Variants in FIG4 observed in about 807,000 individuals in gnomAD.
FIG4 encodes FIG4 phosphoinositide 5-phosphatase.
In FIG4, 112 loss-of-function variants were observed where a neutral mutation model predicts 118.6. That is an observed-to-expected ratio of 0.94 (90% CI 0.81 to 1.11). FIG4 has a LOEUF of 1.11. FIG4 is among the 50% of genes least tolerant of loss of function. The probability of loss-of-function intolerance (pLI) is 0.00; values close to 1 mark genes in which losing one functional copy is unlikely to be tolerated. For missense variants in FIG4, 969 were observed against 1,111.7 expected, an observed-to-expected ratio of 0.87 and a Z score of 1.83; for synonymous variants, 369 against 381.2, an observed-to-expected ratio of 0.97 and a Z score of 0.37.
At chr6:109,693,780 T>C (rs1459237223) in intron 1 of FIG4, among the ~76,000 whole-genome samples, 2 of 152,132 alleles carry the variant, frequency 1.3e-5, no homozygotes, top group African/African-American at 2.4e-5. Context: ...GGATCCTCTT[T>C]GTTTCAGCAA....
chr6:109,825,317 T>TTG lies in FIG4; in HGVS notation c.*54_*55dup. 6.6e-7 allele frequency: 1 copy of TTG among 1,520,300 alleles called. No individual in the cohort carries two copies. The highest frequency in any genetic ancestry group is 9.1e-7 in the Non-Finnish European group (1 of 1,095,786). 94.2% of individuals were successfully genotyped at this position (1,520,300 alleles called of 1,614,324 possible). On this transcript the variant is annotated 3_prime_UTR_variant, in exon 23 of 23. Coordinates refer to ENST00000230124, the MANE Select transcript of FIG4 (RefSeq NM_014845.6). The stretch of plus-strand genomic sequence containing the variant: ...ACGTCTGATTAGCTTAGAACCTGTC[T>TTG]TGTCTCATCTTCAAAAGGTAACTTA...
intron 14 of FIG4, among the ~76,000 whole-genome samples, chr6:109,765,900 A>G (rs1777265290): frequency 6.6e-6 from 1 of 152,248 alleles, no homozygotes; most frequent in African/African-American, 2.4e-5. Flanking sequence ...AAATGGCCAC[A>G]CCAACAGATA....
chr6:109,773,883 G>A (rs1419690748), intron 15 of FIG4, among the ~76,000 whole-genome samples: 1 of 151,844 alleles, frequency 6.6e-6, no homozygotes, highest in Non-Finnish European at 1.5e-5. Context: ...TGTTGCCCAG[G>A]CTGGTTCCTA....
intron 1 of FIG4, among the ~76,000 whole-genome samples, chr6:109,701,226 C>G (rs987606881): frequency 3.9e-5 from 6 of 152,158 alleles, no homozygotes; most frequent in Non-Finnish European, 7.4e-5. Context: ...CCAAACTAAC[C>G]TATTCTTTTT....
intron 3 of FIG4, among the ~76,000 whole-genome samples, chr6:109,723,491 T>C (rs1355977965): frequency 6.6e-6 from 1 of 152,216 alleles, no homozygotes; most frequent in African/African-American, 2.4e-5. Flanking sequence ...AGAAATGATA[T>C]TTGTGGAAGA....
At chr6:109,751,727 G>A (rs1481277475) in intron 10 of FIG4, among the ~76,000 whole-genome samples, 5 of 150,322 alleles carry the variant, frequency 3.3e-5, no homozygotes, top group Non-Finnish European at 7.4e-5. Flanking sequence ...AATCTCTGGT[G>A]GTATTTTGTA....
chr6:109,707,009 G>T (rs1447138964), intron 1 of FIG4, among the ~76,000 whole-genome samples: 1 of 152,024 alleles, frequency 6.6e-6, no homozygotes, highest in African/African-American at 2.4e-5. Flanking sequence ...CTTCCTGTTT[G>T]CCTGTCTGTC....
intron 22 of FIG4, among the ~76,000 whole-genome samples, chr6:109,797,197 G>A (rs1197270181): frequency 6.6e-6 from 1 of 152,136 alleles, no homozygotes; most frequent in Non-Finnish European, 1.5e-5. Flanking sequence ...GATATGGATC[G>A]ATTTGTCTCT....
intron 22 of FIG4, among the ~76,000 whole-genome samples, chr6:109,808,369 A>G (rs1778628706): frequency 6.6e-6 from 1 of 151,292 alleles, no homozygotes. Context: ...AAAAAAAAAA[A>G]AAAAAGAGAG....
At chr6:109,763,791 G>A in intron 12 of FIG4, 146 bp from the exon 13 acceptor site, 1 of 668,306 alleles carries the variant, frequency 1.5e-6, no homozygotes, top group Non-Finnish European at 2.7e-6. Flanking sequence ...TTACCTGAAA[G>A]AATGAGAGTA....
chr6:109,740,291 A>G (rs1167843878), intron 7 of FIG4, among the ~76,000 whole-genome samples: 1 of 152,198 alleles, frequency 6.6e-6, no homozygotes, highest in East Asian at 1.9e-4. Flanking sequence ...GCACCATGAT[A>G]GATGATCATT....
chr6:109,816,923 T>TTAC, intron 22 of FIG4, among the ~76,000 whole-genome samples: 1 of 152,212 alleles, frequency 6.6e-6, no homozygotes, highest in African/African-American at 2.4e-5. Flanking sequence ...CTGCAATCCA[T>TTAC]TGGTCTGAGT....
At chr6:109,751,977 A>C (rs1776718698) in intron 10 of FIG4, among the ~76,000 whole-genome samples, 1 of 122,160 alleles carries the variant, frequency 8.2e-6, no homozygotes, top group Non-Finnish European at 1.7e-5. Context: ...TCCTAATGCT[A>C]TCCCTCCCCC....
rs190109927 is a variant in FIG4 at position 109,711,833 on chromosome 6, T to C, written c.67-3245T>C. ...TTAGCGGTCATTTTGCACACTTGTTTATGTGGTTGCTTTATAGTGTCATTG... is the reference window on the plus strand; with the variant it reads ...TTAGCGGTCATTTTGCACACTTGTTCATGTGGTTGCTTTATAGTGTCATTG... On this transcript the variant is annotated intron_variant, in intron 1 of 22. Coordinates refer to ENST00000230124, the MANE Select transcript of FIG4 (RefSeq NM_014845.6). Among the ~76,000 whole-genome samples, 46 of 152,296 alleles carry C rather than the reference T, an allele frequency of 3.0e-4. No homozygotes were observed. The East Asian group carries it at 7.5e-3, about 25-fold the overall frequency.
rs950907695 is a variant in FIG4, at chr6:109,695,594, A to ACACG, written c.66+4096_66+4097insGCAC. Among the ~76,000 whole-genome samples, 51 of 150,990 alleles carry ACACG rather than the reference A, an allele frequency of 3.4e-4. No individual in the cohort carries two copies. The South Asian group carries it at 0.01, about 31-fold the overall frequency. On this transcript the variant is annotated intron_variant, in intron 1 of 22. Coordinates refer to ENST00000230124, the MANE Select transcript of FIG4 (RefSeq NM_014845.6). ...ATGCAGTGAATACACACACACACAC[A>ACACG]CACACAGACACACACACACACACAC...
rs191093480 is a variant in FIG4, at chr6:109,806,215, G to T, written c.2546+9364G>T. 1.2e-4 allele frequency among the ~76,000 whole-genome samples: 18 copies of T among 152,240 alleles called. No individual in the cohort carries two copies. The East Asian group carries it at 2.7e-3, about 23-fold the overall frequency. On this transcript the variant is annotated intron_variant, in intron 22 of 22. Transcript: ENST00000230124. ...ACTGGTTTGTTTATAAATCATGTAG[G>T]TGATTTAATTTAGTTTATTGTTTGT... is the stretch of plus-strand genomic sequence containing the variant.
intron 4 of FIG4, among the ~76,000 whole-genome samples, chr6:109,730,516 A>C (rs1583658607): frequency 6.6e-6 from 1 of 152,232 alleles, no homozygotes; most frequent in African/African-American, 2.4e-5. Flanking sequence ...GGTAAGACCT[A>C]TAATAATTAA....
intron 1 of FIG4, among the ~76,000 whole-genome samples, chr6:109,703,180 G>T (rs1010625990): frequency 6.6e-6 from 1 of 152,024 alleles, no homozygotes; most frequent in Non-Finnish European, 1.5e-5. Context: ...ACTGAATTAA[G>T]GATTGGAATG....
chr6:109,715,183 A>G lies in FIG4; in HGVS notation c.165+7A>G. The G allele has an allele frequency of 6.6e-7, 1 of 1,509,782 alleles. No individual in the cohort carries two copies. Among genetic ancestry groups the G allele is most frequent in the Non-Finnish European group, 9.2e-7 (1 of 1,086,116 alleles). The allele number at this position is 1,509,782 out of a possible 1,614,324, so 93.5% of individuals were successfully genotyped here. ...GGTCATAATTGATGACAGGGTAAGT[A>G]TCCTCCAAACCTGACTGCAAAAAAA... is the stretch of plus-strand genomic sequence containing the variant. On this transcript the variant is annotated splice_region_variant and intron_variant, in intron 2 of 22. Coordinates refer to ENST00000230124, the MANE Select transcript of FIG4 (RefSeq NM_014845.6).
Sources: gnomAD v4.1 joint callset for allele counts (sites outside exome capture counted in the v4.1 genomes callset) on GRCh38, gnomAD v4.1.1 for gene constraint, MANE v1.5 for transcripts, NCBI Gene and HGNC (gene_info 2026-07-23, HGNC 2026-07-21) for gene names.